Variants in DNMBP observed in about 807,000 individuals in gnomAD.
DNMBP encodes the protein dynamin binding protein.
In DNMBP, 87 loss-of-function variants were observed where a neutral mutation model predicts 150.0. The ratio of observed to expected loss-of-function variants is 0.58; its 90% CI spans 0.49 to 0.69. The LOEUF (loss-of-function observed/expected upper bound fraction) is 0.69. DNMBP is among the 30% of genes least tolerant of loss of function. The pLI is 0.00. For missense variants in DNMBP, 1,774 were observed against 1,949.0 expected (o/e 0.91, Z 1.69); for synonymous variants, 711 against 750.4 (o/e 0.95, Z 0.86).
Position 99,885,673 on chromosome 10 carries a change from A to G in DNMBP, c.3798+14T>C, listed in dbSNP as rs952565297. 4.5e-6 allele frequency: 7 copies of G among 1,552,130 alleles called. No individual in the cohort carries two copies. In the Admixed American group the frequency reaches 1.4e-4, roughly 30 times the overall value. On this transcript the variant is annotated intron_variant, in intron 14 of 16. Transcript: ENST00000324109. ...ACCCCGAGGCGGGGCTGCTGCTCTC[A>G]GTTCCCTACTCACCAGGCCCAGGAG...
chr10:100,001,701 C>G (rs889029973), intron 1 of DNMBP, among the ~76,000 whole-genome samples: 4 of 148,888 alleles, frequency 2.7e-5, no homozygotes, highest in Admixed American at 2.7e-4. Context: ...GTGTGAGCCA[C>G]CGTACGTGGC....
intron 4 of DNMBP, among the ~76,000 whole-genome samples, chr10:99,924,611 T>C (rs749810550): frequency 8.3e-4 from 127 of 152,238 alleles, no homozygotes; most frequent in Non-Finnish European, 1.0e-3. Context: ...TTGCCTTCTC[T>C]GGATACCTTC....
Position 99,896,404 on chromosome 10 carries a change from A to G in DNMBP, c.2921-7T>C, listed in dbSNP as rs1193748482. The G allele has an allele frequency of 1.2e-6, 2 of 1,614,092 alleles. No individual in the cohort carries two copies. The highest frequency in any genetic ancestry group is 3.3e-5 in the Admixed American group (2 of 60,018). ...CCCTTACGGTACTTGAGGACTAGGG[A>G]GTAAGTCAGAAAAGCACTTTCCTCA... is the stretch of plus-strand genomic sequence containing the variant. On this transcript the variant is annotated splice_polypyrimidine_tract_variant and splice_region_variant and intron_variant, in intron 9 of 16. Transcript: ENST00000324109.
intron 6 of DNMBP, among the ~76,000 whole-genome samples, chr10:99,904,410 C>T (rs1440719732): frequency 1.3e-5 from 2 of 152,140 alleles, no homozygotes; most frequent in African/African-American, 4.8e-5. Flanking sequence ...CCCAGAGTCT[C>T]CCAGTGCTGC....
chr10:99,997,675 G>A (rs1440870026), intron 1 of DNMBP, among the ~76,000 whole-genome samples: 3 of 152,116 alleles, frequency 2.0e-5, no homozygotes, highest in African/African-American at 2.4e-5. Context: ...GGCCAGGTGC[G>A]GTGGCTCATG....
At chr10:99,959,912 A>T (rs1355115268) in intron 3 of DNMBP, among the ~76,000 whole-genome samples, 1 of 152,068 alleles carries the variant, frequency 6.6e-6, no homozygotes, top group Non-Finnish European at 1.5e-5. Context: ...GTTGGAGATG[A>T]AGGGTATGGA....
chr10:99,890,631 T>C (rs979635385), intron 11 of DNMBP, among the ~76,000 whole-genome samples: 1 of 152,104 alleles, frequency 6.6e-6, no homozygotes, highest in Non-Finnish European at 1.5e-5. Context: ...AGAAACATAC[T>C]CAGTAGCTGC....
chr10:99,955,581 T>C lies in DNMBP; in HGVS notation c.1893A>G (p.Leu631=), dbSNP rs1321935945. Residue 631 remains leucine, a synonymous_variant, in exon 4 of 17, where the codon CTA becomes CTG. Transcript: ENST00000324109. ...TSPHLLVDQN[L]KPAPPLVVRP... ...GCACCACCAAGGGTGGTGCAGGTTT[T>C]AGGTTCTGGTCAACCAGCAAATGGG... 4.3e-6 allele frequency: 7 copies of C among 1,612,432 alleles called. No homozygotes were observed. In the South Asian group the frequency reaches 4.4e-5, roughly 10 times the overall value.
At chr10:99,989,352 A>G (rs1015740136) in intron 1 of DNMBP, among the ~76,000 whole-genome samples, 4 of 152,186 alleles carry the variant, frequency 2.6e-5, no homozygotes, top group African/African-American at 7.2e-5. Context: ...GTAATCTGCC[A>G]TTAGAAGAGC....
intron 4 of DNMBP, among the ~76,000 whole-genome samples, chr10:99,937,337 A>G (rs569227218): frequency 6.6e-6 from 1 of 152,196 alleles, no homozygotes; most frequent in Non-Finnish European, 1.5e-5. Context: ...ACTATGGGCT[A>G]CGATCAGCAC....
At chr10:99,920,176 A>C (rs1342440945) in intron 4 of DNMBP, among the ~76,000 whole-genome samples, 1 of 151,958 alleles carries the variant, frequency 6.6e-6, no homozygotes, top group East Asian at 1.9e-4. Flanking sequence ...CCTGGGTTCA[A>C]GCAATTCTCC....
chr10:99,966,771 T>C (rs1183600646), intron 3 of DNMBP, among the ~76,000 whole-genome samples: 1 of 152,040 alleles, frequency 6.6e-6, no homozygotes, highest in Non-Finnish European at 1.5e-5. Flanking sequence ...TGGCGTTTTC[T>C]CTCGTTAATA....
chr10:99,970,422 G>A (rs934736408), intron 2 of DNMBP, among the ~76,000 whole-genome samples: 9 of 152,168 alleles, frequency 5.9e-5, no homozygotes, highest in Admixed American at 2.6e-4. Context: ...AAGCTAACCA[G>A]GTGCGTGGAA....
chr10:99,899,697 C>T (rs1283377093), intron 7 of DNMBP, among the ~76,000 whole-genome samples: 1 of 152,144 alleles, frequency 6.6e-6, no homozygotes, highest in African/African-American at 2.4e-5. Context: ...CCAAACCATC[C>T]TCTCCTGGCT....
At position 99,880,132 on chromosome 10, in the gene DNMBP, C is replaced by T. The variant is rs750532651; in HGVS notation, c.4227G>A (p.Pro1409=). Residue 1409 remains proline, a synonymous_variant, in exon 16 of 17, where the codon CCG becomes CCA. Transcript: ENST00000324109. ...CQKQPQDASP[P]PKECDQGTLS... is the part of the protein sequence containing the mutation. ...GAGTTCCTTGGTCACATTCTTTTGG[C>T]GGAGGAGATGCATCTTGAGGCTGCT... 2.0e-5 allele frequency: 32 copies of T among 1,613,956 alleles called. No individual in the cohort carries two copies. The highest frequency in any genetic ancestry group is 6.7e-5 in the Admixed American group (4 of 60,002).
intron 9 of DNMBP, 21 bp downstream of exon 9, chr10:99,898,065 C>T: frequency 6.2e-7 from 1 of 1,601,504 alleles, no homozygotes; most frequent in Non-Finnish European, 8.6e-7. Context: ...ACCTCCTTTT[C>T]AGCAATTATG....
At chr10:99,917,418 A>G (rs1217727702) in intron 4 of DNMBP, among the ~76,000 whole-genome samples, 1 of 152,218 alleles carries the variant, frequency 6.6e-6, no homozygotes, top group Non-Finnish European at 1.5e-5. Flanking sequence ...AAATGCACAT[A>G]TTTGAAAAGA....
intron 15 of DNMBP, among the ~76,000 whole-genome samples, chr10:99,881,757 T>A (rs536526068): frequency 1.3e-5 from 2 of 152,150 alleles, no homozygotes; most frequent in African/African-American, 4.8e-5. Flanking sequence ...GTCCTTCGTG[T>A]CCCACTTTTA....
At chr10:99,882,173 CAT>C (rs2039377147) in intron 15 of DNMBP, among the ~76,000 whole-genome samples, 2 of 152,196 alleles carry the variant, frequency 1.3e-5, no homozygotes, top group African/African-American at 4.8e-5. Context: ...AAGTTGATCT[CAT>C]AGAGGTTGAG....
Sources: allele counts gnomAD v4.1 joint callset (sites outside exome capture counted in the v4.1 genomes callset), GRCh38; gene constraint gnomAD v4.1.1; transcripts MANE v1.5; gene names NCBI Gene and HGNC (gene_info 2026-07-23, HGNC 2026-07-21).